ATF7: variants seen among roughly 807,000 people sequenced by gnomAD.
The protein encoded by ATF7 is activating transcription factor 7, also known as cyclic AMP-dependent transcription factor ATF-7.
ATF7 carries 10 observed loss-of-function variants against 50.4 expected under a neutral mutation model. That is an observed-to-expected ratio of 0.20 (90% confidence interval 0.12 to 0.34). The LOEUF is 0.34. ATF7 is among the 10% of genes least tolerant of loss of function. The pLI is 1.00. For synonymous variants in ATF7, 201 were observed against 226.4 expected (o/e 0.89, Z 1.01); for missense variants, 465 against 613.9 (o/e 0.76, Z 2.56).
intron 1 of ATF7, among the ~76,000 whole-genome samples, chr12:53,603,722 A>G (rs1943492197): frequency 1.3e-5 from 2 of 151,504 alleles, no homozygotes; most frequent in South Asian, 4.1e-4. Context: ...CTGTCTCCCC[A>G]TTAAAAAAAA....
intron 8 of ATF7, 87 bp downstream of exon 8, chr12:53,532,423 T>C (rs1938957196): frequency 8.9e-7 from 1 of 1,129,332 alleles, no homozygotes; most frequent in Non-Finnish European, 1.3e-6. Flanking sequence ...AGAAGGTTCC[T>C]TTGCTTGGCT....
intron 1 of ATF7, among the ~76,000 whole-genome samples, chr12:53,612,744 C>CT (rs376841779): frequency 3.7e-4 from 56 of 152,314 alleles, no homozygotes; most frequent in African/African-American, 1.3e-3. Flanking sequence ...TAGCTCTCGC[C>CT]TGTAATCCCA....
Position 53,516,138 on chromosome 12 carries a change from A to G in ATF7, c.*999T>C, listed in dbSNP as rs1466802133. 1 of 152,222 alleles carries G rather than the reference A, an allele frequency of 6.6e-6. No homozygotes were observed. The highest frequency in any genetic ancestry group is 1.5e-5 in the Non-Finnish European group (1 of 68,062). 9.4% of individuals were successfully genotyped at this position (152,222 alleles called of 1,614,324 possible). A position where few individuals can be genotyped will look rare whatever the true frequency, so the allele number is the denominator to read the frequency against. ...AGCAGAAAAATGACCAAAGATGACA[A>G]TATGCTTTGGCCGGTAAACTCTTAT... On this transcript the variant is annotated 3_prime_UTR_variant, in exon 12 of 12. Transcript: ENST00000420353.
chr12:53,565,553 C>A (rs2137588552), intron 2 of ATF7, among the ~76,000 whole-genome samples: 1 of 152,142 alleles, frequency 6.6e-6, no homozygotes, highest in South Asian at 2.1e-4. Flanking sequence ...AGTATAGTGG[C>A]ATGATATTGG....
chr12:53,524,744 G>T lies in ATF7; in HGVS notation c.945C>A (p.Pro315=). The T allele has an allele frequency of 6.2e-7, 1 of 1,607,734 alleles. No homozygotes were observed. ...GCCGTCGCCCCCCAGTACTAGGGGT[G>T]GGCTGAGCTGGTGAGACCTGGTGCC... ...PAQPQVSPAQ[P]TPSTGGRRRR... The change falls in exon 10 of 12, where the codon CCC becomes CCA. Residue 315 remains proline (P), a synonymous_variant. Coordinates refer to ENST00000420353, the MANE Select transcript of ATF7 (RefSeq NM_006856.3). The surrounding 1 kb of genome is among the most constrained non-coding windows in gnomAD (Gnocchi z 4.6).
Position 53,577,444 on chromosome 12 carries a change from C to T in ATF7, c.48+23509G>A, listed in dbSNP as rs527856759. Among the ~76,000 whole-genome samples, 212 of 152,024 alleles carry T rather than the reference C, an allele frequency of 1.4e-3. 4 individuals carry two copies. The South Asian group carries it at 0.041, about 30-fold the overall frequency. On this transcript the variant is annotated intron_variant, in intron 2 of 11. Transcript: ENST00000420353. The stretch of plus-strand genomic sequence containing the variant: ...AGAAAGAAACACACACGGCCGGGCG[C>T]GGTGGCTCATTCCTGTAATCCCAGC...
chr12:53,586,776 C>A (rs1565980443), intron 2 of ATF7, among the ~76,000 whole-genome samples: 1 of 152,166 alleles, frequency 6.6e-6, no homozygotes, highest in Non-Finnish European at 1.5e-5. Context: ...CTCCTGTCAT[C>A]ACTCTCTCAC....
intron 2 of ATF7, among the ~76,000 whole-genome samples, chr12:53,565,963 G>T (rs1421174322): frequency 6.6e-6 from 1 of 152,152 alleles, no homozygotes; most frequent in Non-Finnish European, 1.5e-5. Context: ...AATCATGGCG[G>T]GAGGCAAAGG....
At position 53,516,095 on chromosome 12, in the gene ATF7, T is replaced by C. The variant is rs1161739844; in HGVS notation, c.*1042A>G. On this transcript the variant is annotated 3_prime_UTR_variant, in exon 12 of 12. Transcript: ENST00000420353. ...AGGGGCGGTAATGTTGATAGGGGAA[T>C]GAAGAGAGAGAAGCAGGAGCAGAAA... 6.6e-6 allele frequency: 1 copy of C among 152,054 alleles called. No individual in the cohort carries two copies. The highest frequency in any genetic ancestry group is 1.5e-5 in the Non-Finnish European group (1 of 68,028). The allele number at this position is 152,054 out of a possible 1,614,324, so 9.4% of individuals were successfully genotyped here.
At chr12:53,559,256 G>A (rs1029924961) in intron 2 of ATF7, among the ~76,000 whole-genome samples, 25 of 151,448 alleles carry the variant, frequency 1.7e-4, no homozygotes, top group African/African-American at 5.8e-4. Context: ...AGAGATGGGG[G>A]TCCCATTACG....
At chr12:53,609,342 C>A (rs576858448) in intron 1 of ATF7, among the ~76,000 whole-genome samples, 2 of 151,602 alleles carry the variant, frequency 1.3e-5, no homozygotes, top group African/African-American at 4.8e-5. Context: ...TTAGTAGAGA[C>A]GGGGTTTCTC....
At chr12:53,590,814 AC>A (rs1942906957) in intron 2 of ATF7, among the ~76,000 whole-genome samples, 1 of 152,208 alleles carries the variant, frequency 6.6e-6, no homozygotes, top group African/African-American at 2.4e-5. Context: ...GATTCCTACT[AC>A]ATGACATTCT....
At chr12:53,575,407 TA>T (rs554041037) in intron 2 of ATF7, among the ~76,000 whole-genome samples, 4,081 of 121,784 alleles carry the variant, frequency 0.034, 139 homozygotes, top group African/African-American at 0.095. Context: ...AACTCTGTCT[TA>T]AAAAAAAAAA....
intron 1 of ATF7, among the ~76,000 whole-genome samples, chr12:53,615,845 G>A (rs138285362): frequency 2.6e-4 from 39 of 152,092 alleles, no homozygotes; most frequent in African/African-American, 9.2e-4. Flanking sequence ...TTATGATCAC[G>A]CCACTGCATT....
downstream of ATF7, among the ~76,000 whole-genome samples, chr12:53,511,307 G>A (rs931543302): frequency 2.0e-5 from 3 of 152,128 alleles, no homozygotes; most frequent in East Asian, 1.9e-4. Context: ...GGAGTGCAAC[G>A]GCACGATCTT....
intron 1 of ATF7, among the ~76,000 whole-genome samples, chr12:53,621,553 G>T (rs1393988429): frequency 6.6e-6 from 1 of 151,886 alleles, no homozygotes; most frequent in African/African-American, 2.4e-5. Flanking sequence ...AGTTCAAGGT[G>T]GGTGGATCAC....
intron 2 of ATF7, among the ~76,000 whole-genome samples, chr12:53,564,404 C>T (rs892545183): frequency 6.6e-6 from 1 of 152,154 alleles, no homozygotes; most frequent in African/African-American, 2.4e-5. Context: ...AACTAAAATA[C>T]CTTGTGCAAA....
chr12:53,523,469 G>T, intron 10 of ATF7, 85 bp from the exon 11 acceptor site: 1 of 990,798 alleles, frequency 1.0e-6, no homozygotes, highest in Non-Finnish European at 1.6e-6. Flanking sequence ...AGGAAGGACA[G>T]AATATTGCCT....
In ATF7 at chr12:53,516,465, G is replaced by A. The variant is rs1277457411; in HGVS notation, c.*672C>T. ...ATGAAAAAGAATTAGAACTCTTGAG[G>A]GTTTCTTTCTTTTTGGTGGCAGGTA... On this transcript the variant is annotated 3_prime_UTR_variant, in exon 12 of 12. Transcript: ENST00000420353. 1 of 152,638 alleles carries A rather than the reference G, an allele frequency of 6.6e-6. No homozygotes were observed. Among genetic ancestry groups the A allele is most frequent in the Non-Finnish European group, 1.5e-5 (1 of 68,124 alleles). The allele number at this position is 152,638 out of a possible 1,614,324, so 9.5% of individuals were successfully genotyped here.
Sources: allele counts gnomAD v4.1 joint callset (sites outside exome capture counted in the v4.1 genomes callset), GRCh38; gene constraint gnomAD v4.1.1; non-coding constraint Gnocchi (gnomAD v3.1); transcripts MANE v1.5; gene names NCBI Gene and HGNC (gene_info 2026-07-23, HGNC 2026-07-21).